The following ALDH1L2 variants were observed in gnomAD, a reference collection of about 807,000 sequenced individuals.
ALDH1L2 encodes the protein aldehyde dehydrogenase 1 family member L2, also known as mitochondrial 10-formyltetrahydrofolate dehydrogenase.
A neutral mutation model predicts 111.0 loss-of-function variants in ALDH1L2; 91 were observed. That is an observed-to-expected ratio of 0.82 (90% CI 0.69 to 0.98). The LOEUF (loss-of-function observed/expected upper bound fraction) is 0.98. Among genes scored for constraint, ALDH1L2 ranks in the 50% least tolerant of loss-of-function variants. ALDH1L2 has a pLI of 0.00. For synonymous variants in ALDH1L2, 374 were observed against 392.6 expected (o/e 0.95, Z 0.56); for missense variants, 995 against 1,126.8 (o/e 0.88, Z 1.67).
chr12:105,060,121 T>C (rs1876897162), intron 9 of ALDH1L2, among the ~76,000 whole-genome samples: 2 of 151,902 alleles, frequency 1.3e-5, no homozygotes, highest in African/African-American at 4.8e-5. Flanking sequence ...TCCTTGCAAG[T>C]AGCCTGATAA....
chr12:105,061,179 G>T, intron 8 of ALDH1L2, 107 bp from the exon 9 acceptor site: 1 of 926,540 alleles, frequency 1.1e-6, no homozygotes, highest in African/African-American at 1.6e-5. Context: ...TGTACACTCA[G>T]CTGTACATAC....
rs760840398 is a variant in ALDH1L2, at chr12:105,026,663, T to A, written c.2598A>T (p.Lys866Asn). 3 of 1,614,246 alleles carry A rather than the reference T, an allele frequency of 1.9e-6. No individual in the cohort carries two copies. The highest frequency in any genetic ancestry group is 2.5e-6 in the Non-Finnish European group (3 of 1,180,046). The change falls in exon 22 of 23, where the codon AAA (lysine) becomes AAT (asparagine). Residue 866 changes from lysine to asparagine, a missense_variant. Lys to Asn is a moderately conservative substitution (Grantham distance 94, BLOSUM62 0). Transcript: ENST00000258494. The stretch of plus-strand genomic sequence containing the variant: ...CCAGTTTTTCACTCACATACATAGC[T>A]TTGTTTATGTCTCTTGTAAAAACCC... ...ASGVFTRDIN[K>N]AMYVSEKLEA...
chr12:105,040,608 T>C lies in ALDH1L2; in HGVS notation c.1950A>G (p.Ser650=). ...ACAGTCGGTCATTTAGTGGCTTACC[T>C]GAGCCTGGAATGATGTTGATGACCC... ...PKGVINIIPG[S]GGIAGQRLSE... The change falls in exon 16 of 23, where the codon TCA becomes TCG. Residue 650 remains serine, a splice_region_variant and synonymous_variant. Coordinates refer to ENST00000258494, the MANE Select transcript of ALDH1L2 (RefSeq NM_001034173.4). 6.2e-7 allele frequency: 1 copy of C among 1,613,546 alleles called. No individual in the cohort carries two copies. Among genetic ancestry groups the C allele is most frequent in the Non-Finnish European group, 8.5e-7 (1 of 1,179,440 alleles).
rs376554461 is a variant in ALDH1L2, at chr12:105,038,108, G to T, written c.2140C>A (p.Arg714=). The T allele has an allele frequency of 1.2e-6, 2 of 1,612,504 alleles. No individual in the cohort carries two copies. The highest frequency in any genetic ancestry group is 8.5e-7 in the Non-Finnish European group (1 of 1,178,980). ...FNDCELDKAV[R]MGMGAVFFNK... ...TAAATTTGACCCTCTCTTACCATTC[G>T]CACAGCCTTGTCAAGTTCACAGTCA... The change falls in exon 18 of 23, where the codon CGA becomes AGA. Residue 714 remains arginine, a synonymous_variant. Transcript: ENST00000258494.
chr12:105,068,796 A>T lies in ALDH1L2; in HGVS notation c.517T>A (p.Ser173Thr). The T allele has an allele frequency of 1.2e-6, 2 of 1,609,892 alleles. No individual in the cohort carries two copies. The highest frequency in any genetic ancestry group is 1.7e-6 in the Non-Finnish European group (2 of 1,178,236). ...GTATCATTGGGTTCAACATCACATG[A>T]TCTCTGAAGAAGGATGGGTCCTGTA... is the stretch of plus-strand genomic sequence containing the variant. The part of the protein sequence containing the change: ...LDTGPILLQR[S>T]CDVEPNDTVD... The change falls in exon 4 of 23, where the codon TCA becomes ACA. Residue 173 changes from serine to threonine, a missense_variant. Transcript: ENST00000258494.
chr12:105,069,014 A>G, intron 3 of ALDH1L2, 130 bp from the exon 4 acceptor site: 2 of 894,118 alleles, frequency 2.2e-6, no homozygotes, highest in Non-Finnish European at 3.1e-6. Flanking sequence ...TGAGAAATTA[A>G]CAGTAGAACT....
At chr12:105,026,801 A>G (rs1458332240) in intron 21 of ALDH1L2, 57 bp from the exon 22 acceptor site, 4 of 1,586,682 alleles carry the variant, frequency 2.5e-6, no homozygotes, top group Non-Finnish European at 2.6e-6. Context: ...GACTCATTTT[A>G]TGTTCTGAAA....
intron 15 of ALDH1L2, among the ~76,000 whole-genome samples, chr12:105,042,946 G>A (rs1344721422): frequency 2.6e-5 from 4 of 152,196 alleles, no homozygotes; most frequent in Admixed American, 6.5e-5. Flanking sequence ...GGTTAGCTTG[G>A]ACTCTAAAAA....
chr12:105,068,699 G>A lies in ALDH1L2; in HGVS notation c.594+20C>T, dbSNP rs770952127. 7.0e-7 allele frequency: 1 copy of A among 1,429,946 alleles called. No individual in the cohort carries two copies. Among genetic ancestry groups the A allele is most frequent in the African/African-American group, 1.5e-5 (1 of 68,200 alleles). The allele number at this position is 1,429,946 out of a possible 1,614,324, so 88.6% of individuals were successfully genotyped here. On this transcript the variant is annotated intron_variant, in intron 4 of 22. Coordinates refer to ENST00000258494, the MANE Select transcript of ALDH1L2 (RefSeq NM_001034173.4). ...AAACTTTAAAGGTTTACTAAATTCTGGGTGGCAAAATATACTAACCATGGC... is the reference window on the plus strand; with the variant it reads ...AAACTTTAAAGGTTTACTAAATTCTAGGTGGCAAAATATACTAACCATGGC...
chr12:105,045,898 T>C (rs1875816444), intron 15 of ALDH1L2, among the ~76,000 whole-genome samples: 1 of 152,102 alleles, frequency 6.6e-6, no homozygotes, highest in African/African-American at 2.4e-5. Flanking sequence ...TAAAGTTACC[T>C]GCAGATAACA....
intron 1 of ALDH1L2, among the ~76,000 whole-genome samples, chr12:105,083,500 G>C (rs6539190): frequency 0.012 from 1,818 of 152,278 alleles, 41 homozygotes; most frequent in East Asian, 0.08. Flanking sequence ...CTGCCTCCAA[G>C]TTTTTTACAT....
chr12:105,069,704 C>T (rs1246807851), intron 3 of ALDH1L2, among the ~76,000 whole-genome samples: 1 of 152,162 alleles, frequency 6.6e-6, no homozygotes, highest in Admixed American at 6.5e-5. Context: ...AGGCTTCCAG[C>T]TTATTCCAAT....
chr12:105,047,047 C>A, intron 13 of ALDH1L2, 78 bp from the exon 14 acceptor site: 2 of 1,488,950 alleles, frequency 1.3e-6, no homozygotes, highest in Admixed American at 3.5e-5. Flanking sequence ...CATTTTCTGT[C>A]TTCCTCTCTT....
At position 105,052,154 on chromosome 12, in the gene ALDH1L2, CT is replaced by C; in HGVS notation, c.1470del (p.Asp491MetfsTer11). On this transcript the variant is annotated frameshift_variant, in exon 12 of 23. Coordinates refer to ENST00000258494, the MANE Select transcript of ALDH1L2 (RefSeq NM_001034173.4). LOFTEE classifies it high-confidence loss of function. Reference protein sequence around the residue: ...ADVDKAVAAAKDAFENGEWGR... With the variant: ...ADVDKAVAAAXDAFENGEWGR... ...CCCCATTCACCGTTTTCAAAAGCAT[CT>C]TTTGCTGCTGCTACTGCTTTATCAA... 1 of 1,612,086 alleles carries C rather than the reference CT, an allele frequency of 6.2e-7. No individual in the cohort carries two copies. The highest frequency in any genetic ancestry group is 1.3e-5 in the African/African-American group (1 of 75,000).
At chr12:105,044,464 T>G (rs1304222915) in intron 15 of ALDH1L2, among the ~76,000 whole-genome samples, 5 of 151,480 alleles carry the variant, frequency 3.3e-5, no homozygotes, top group South Asian at 4.2e-4. Context: ...TATCAGCATT[T>G]TAAAAGGAGA....
chr12:105,040,861 C>T (rs529032124), intron 15 of ALDH1L2, among the ~76,000 whole-genome samples, 167 bp from the exon 16 acceptor site: 8 of 152,286 alleles, frequency 5.3e-5, no homozygotes, highest in Admixed American at 5.2e-4. Flanking sequence ...AAAAATAGTA[C>T]AAGTATTCCT....
At chr12:105,058,352 C>A in intron 9 of ALDH1L2, 132 bp from the exon 10 acceptor site, 1 of 830,840 alleles carries the variant, frequency 1.2e-6, no homozygotes, top group Non-Finnish European at 1.7e-6. Flanking sequence ...ATGAGATCTT[C>A]TGTGATACTC....
chr12:105,038,052 C>A, intron 18 of ALDH1L2, 51 bp downstream of exon 18: 1 of 1,502,394 alleles, frequency 6.7e-7, no homozygotes, highest in Non-Finnish European at 9.2e-7. Flanking sequence ...CAGGCGTGAG[C>A]CACCTCACCT....
chr12:105,054,392 G>A (rs920995509), intron 10 of ALDH1L2, among the ~76,000 whole-genome samples: 7 of 152,178 alleles, frequency 4.6e-5, no homozygotes, highest in Non-Finnish European at 8.8e-5. Flanking sequence ...CAGAACTCTG[G>A]AAATTAGCCA....
Sources: gnomAD v4.1 joint callset for allele counts (sites outside exome capture counted in the v4.1 genomes callset) on GRCh38, gnomAD v4.1.1 for gene constraint, MANE v1.5 for transcripts, NCBI Gene and HGNC (gene_info 2026-07-23, HGNC 2026-07-21) for gene names.